Variants in RNF122 observed in about 807,000 individuals in gnomAD.
RNF122 encodes ring finger protein 122.
A neutral mutation model predicts 24.2 loss-of-function variants in RNF122; 17 were observed. The ratio of observed to expected loss-of-function variants is 0.70; its 90% CI spans 0.48 to 1.06. The LOEUF (loss-of-function observed/expected upper bound fraction) is 1.06, where lower values mean the gene tolerates loss of function less well. RNF122 is among the 50% of genes least tolerant of loss of function. RNF122 has a pLI of 0.00. For synonymous variants in RNF122, 65 were observed against 71.8 expected, an observed-to-expected ratio of 0.91 and a Z score of 0.48; for missense variants, 168 against 198.1, an observed-to-expected ratio of 0.85 and a Z score of 0.91.
At chr8:33,552,936 T>C (rs1204723541) in intron 2 of RNF122, among the ~76,000 whole-genome samples, 1 of 152,036 alleles carries the variant, frequency 6.6e-6, no homozygotes, top group East Asian at 1.9e-4. Context: ...CACGGCATGG[T>C]GGCATGCACC....
At chr8:33,555,376 T>A (rs1810436813) in intron 2 of RNF122, among the ~76,000 whole-genome samples, 1 of 152,110 alleles carries the variant, frequency 6.6e-6, no homozygotes. Flanking sequence ...CTAATTTTTG[T>A]ATTTTTAGTA....
At position 33,551,029 on chromosome 8, in the gene RNF122, T is replaced by C. The variant is rs893586815; in HGVS notation, c.270+15A>G. ...CCTGCTGGGGCCCTCCTGCACACTTTCCTGGCACACTTACCCCATATAATT... is the reference window on the plus strand; with the variant it reads ...CCTGCTGGGGCCCTCCTGCACACTTCCCTGGCACACTTACCCCATATAATT... On this transcript the variant is annotated intron_variant, in intron 4 of 5. Coordinates refer to ENST00000256257, the MANE Select transcript of RNF122 (RefSeq NM_024787.3). 6.2e-7 allele frequency: 1 copy of C among 1,613,948 alleles called. No homozygotes were observed. Among genetic ancestry groups the C allele is most frequent in the Non-Finnish European group, 8.5e-7 (1 of 1,179,862 alleles).
intron 2 of RNF122, among the ~76,000 whole-genome samples, chr8:33,556,588 A>AT (rs1428156467): frequency 2.0e-5 from 3 of 152,148 alleles, no homozygotes; most frequent in Non-Finnish European, 4.4e-5. Context: ...TGTCTCCAGG[A>AT]TTTAAGTGTG....
At chr8:33,556,616 G>A (rs545444659) in intron 2 of RNF122, among the ~76,000 whole-genome samples, 18 of 152,258 alleles carry the variant, frequency 1.2e-4, no homozygotes, top group African/African-American at 3.1e-4. Context: ...TAACACGGGT[G>A]TGCGGGAGTG....
At chr8:33,551,529 A>G in intron 2 of RNF122, 140 bp from the exon 3 acceptor site, 1 of 814,598 alleles carries the variant, frequency 1.2e-6, no homozygotes, top group Non-Finnish European at 2.1e-6. Context: ...CATACTTTGG[A>G]CCTATGCAAG....
chr8:33,550,412 C>T (rs1023202062), intron 4 of RNF122, among the ~76,000 whole-genome samples: 13 of 152,198 alleles, frequency 8.5e-5, no homozygotes, highest in African/African-American at 2.7e-4. Context: ...CCGCTCTGCT[C>T]CCAGACAACC....
intron 5 of RNF122, 61 bp downstream of exon 5, chr8:33,549,349 C>T: frequency 7.2e-7 from 1 of 1,380,680 alleles, no homozygotes; most frequent in South Asian, 1.2e-5. Context: ...CTGGAAGTTT[C>T]CAGAAGATGC....
intron 1 of RNF122, among the ~76,000 whole-genome samples, chr8:33,564,088 T>A (rs1810585302): frequency 6.6e-6 from 1 of 152,178 alleles, no homozygotes; most frequent in Non-Finnish European, 1.5e-5. Context: ...CAAAATAGTC[T>A]ACTGGTCAAA....
At chr8:33,551,737 G>A (rs945806575) in intron 2 of RNF122, among the ~76,000 whole-genome samples, 2 of 152,150 alleles carry the variant, frequency 1.3e-5, no homozygotes, top group Admixed American at 6.6e-5. Context: ...TGTTTACTGA[G>A]TGTGCGGAAG....
At chr8:33,549,297 C>A (rs1015393796) in intron 5 of RNF122, 113 bp downstream of exon 5, 2 of 829,238 alleles carry the variant, frequency 2.4e-6, no homozygotes, top group Non-Finnish European at 4.2e-6. Context: ...CACGTAGGAC[C>A]TGGGGCATCA....
At chr8:33,562,545 A>AG (rs1173044671) in intron 1 of RNF122, among the ~76,000 whole-genome samples, 1 of 151,452 alleles carries the variant, frequency 6.6e-6, no homozygotes, top group African/African-American at 2.4e-5. Flanking sequence ...TCTCAAAAAA[A>AG]AAAAAGAAAA....
intron 2 of RNF122, among the ~76,000 whole-genome samples, chr8:33,553,337 T>C (rs901076271): frequency 1.3e-5 from 2 of 152,046 alleles, no homozygotes; most frequent in Non-Finnish European, 2.9e-5. Context: ...CTCAGGTGGA[T>C]TGCTTGAGGC....
Position 33,548,436 on chromosome 8 carries a change from T to C in RNF122, c.*317A>G, listed in dbSNP as rs1209623818. On this transcript the variant is annotated 3_prime_UTR_variant, in exon 6 of 6. Coordinates refer to ENST00000256257, the MANE Select transcript of RNF122 (RefSeq NM_024787.3). Reference sequence around the variant, plus strand: ...GAGCCTTGAAAGAGGACTTTCTCCATGTTCTTGATCGGGGTGGACACCTTC... The same window carrying C: ...GAGCCTTGAAAGAGGACTTTCTCCACGTTCTTGATCGGGGTGGACACCTTC... 8.8e-6 allele frequency: 2 copies of C among 226,036 alleles called. No homozygotes were observed. The highest frequency in any genetic ancestry group is 2.2e-5 in the African/African-American group (1 of 44,664). The allele number at this position is 226,036 out of a possible 1,614,324, so 14.0% of individuals were successfully genotyped here.
chr8:33,565,301 T>G (rs1219365490), intron 1 of RNF122, among the ~76,000 whole-genome samples: 2 of 151,902 alleles, frequency 1.3e-5, no homozygotes, highest in East Asian at 1.9e-4. Context: ...GGGGTATACA[T>G]GCTACCCAAA....
At chr8:33,551,876 A>G (rs1431238981) in intron 2 of RNF122, among the ~76,000 whole-genome samples, 1 of 152,062 alleles carries the variant, frequency 6.6e-6, no homozygotes, top group Non-Finnish European at 1.5e-5. Context: ...TCTTCCCTTC[A>G]CTGTGCCGGA....
intron 2 of RNF122, among the ~76,000 whole-genome samples, chr8:33,551,609 TCATA>T (rs1481488568): frequency 6.6e-6 from 1 of 152,166 alleles, no homozygotes; most frequent in Non-Finnish European, 1.5e-5. Flanking sequence ...CCACCAGGTC[TCATA>T]CACAGATTGG....
chr8:33,566,611 G>A (rs1810628242), intron 1 of RNF122, 88 bp downstream of exon 1: 3 of 1,371,232 alleles, frequency 2.2e-6, no homozygotes, highest in South Asian at 1.2e-5. Context: ...TCCCGAGGGA[G>A]GACCAGCGCG....
chr8:33,566,797 A>G lies in RNF122; in HGVS notation c.-74T>C. On this transcript the variant is annotated 5_prime_UTR_variant, in exon 1 of 6. Transcript: ENST00000256257. ...GCCAGGAGGGCGGGGTGGGAGCACTAGCGGCGTGAGGGGCCGCAGGCGGGG... is the reference window on the plus strand; with the variant it reads ...GCCAGGAGGGCGGGGTGGGAGCACTGGCGGCGTGAGGGGCCGCAGGCGGGG... 1.3e-6 allele frequency: 2 copies of G among 1,506,896 alleles called. No individual in the cohort carries two copies. Among genetic ancestry groups the G allele is most frequent in the Middle Eastern group, 1.8e-4 (1 of 5,690 alleles). The allele number at this position is 1,506,896 out of a possible 1,614,324, so 93.3% of individuals were successfully genotyped here.
rs537877174 is a variant in RNF122, at chr8:33,560,404, ACT to A, written c.26-1635_26-1634del. Among the ~76,000 whole-genome samples the A allele has an allele frequency of 5.2e-3, 795 of 151,734 alleles. 4 individuals carry two copies. The highest frequency in any genetic ancestry group is 0.017 in the Middle Eastern group (5 of 290). The stretch of plus-strand genomic sequence containing the variant: ...TGTTTGTTTTTGGAGACAAGGTCTC[ACT>A]CTGTCCCTGCAGGCTGGAGTGCAGT... On this transcript the variant is annotated intron_variant, in intron 1 of 5. Coordinates refer to ENST00000256257, the MANE Select transcript of RNF122 (RefSeq NM_024787.3).
Sources: allele counts gnomAD v4.1 joint callset (sites outside exome capture counted in the v4.1 genomes callset), GRCh38; gene constraint gnomAD v4.1.1; transcripts MANE v1.5; gene names NCBI Gene and HGNC (gene_info 2026-07-23, HGNC 2026-07-21).